The following EP400 variants were observed in gnomAD, a reference collection of about 807,000 sequenced individuals.
EP400 encodes the protein E1A binding protein p400, also known as E1A-binding protein p400.
Under a neutral mutation model 354.1 loss-of-function variants are expected in EP400, and 105 were observed. The observed-to-expected ratio is 0.30, with a 90% confidence interval of 0.25 to 0.35. The LOEUF (loss-of-function observed/expected upper bound fraction) is 0.35. Ranked by LOEUF, EP400 falls within the 10% of genes least tolerant of loss-of-function variation. The probability of loss-of-function intolerance (pLI) is 1.00; values close to 1 mark genes in which losing one functional copy is unlikely to be tolerated. For synonymous variants in EP400, 1,646 were observed against 1,716.9 expected (o/e 0.96, Z 1.02); for missense variants, 3,280 against 4,121.0 (o/e 0.80, Z 5.59).
chr12:132,032,126 A>T lies in EP400; in HGVS notation c.5928A>T (p.Arg1976Ser). 1 of 1,613,556 alleles carries T rather than the reference A, an allele frequency of 6.2e-7. No homozygotes were observed. Among genetic ancestry groups the T allele is most frequent in the Non-Finnish European group, 8.5e-7 (1 of 1,179,768 alleles). ...AGGAGTGGTGCGATAGGATCGGGAG[A>T]TGCAAAGACATCCACATATACAGGT... is the stretch of plus-strand genomic sequence containing the variant. The part of the protein sequence containing the change: ...KAQEWCDRIG[R>S]CKDIHIYRLV... Residue 1976 changes from arginine (R) to serine (S), a missense_variant, in exon 30 of 53, where the codon AGA becomes AGT. Physicochemically the swap from Arg to Ser is moderately radical, Grantham distance 110. Transcript: ENST00000389561.
intron 39 of EP400, among the ~76,000 whole-genome samples, chr12:132,048,448 T>C (rs906558811): frequency 1.3e-5 from 2 of 152,258 alleles, no homozygotes; most frequent in Non-Finnish European, 2.9e-5. Flanking sequence ...AACAATATTG[T>C]CTTCTTTTAT....
chr12:132,069,451 CGCGGCATGGTCTCT>C (rs1565936263), intron 50 of EP400, 30 bp from the exon 51 acceptor site: 4 of 1,597,850 alleles, frequency 2.5e-6, no homozygotes, highest in Non-Finnish European at 3.4e-6. Flanking sequence ...GAGTCTTGAG[CGCGGCATGGTCTCT>C]GCGGCCCTAA....
chr12:131,989,931 A>G, intron 7 of EP400, 33 bp from the exon 8 acceptor site: 1 of 1,611,150 alleles, frequency 6.2e-7, no homozygotes, highest in Non-Finnish European at 8.5e-7. Context: ...GACATAGAGT[A>G]CAACATACAA....
At chr12:132,007,953 CTT>C (rs11304784) in intron 15 of EP400, among the ~76,000 whole-genome samples, 14 of 149,262 alleles carry the variant, frequency 9.4e-5, no homozygotes, top group Admixed American at 1.3e-4. Context: ...AGCGAGGGTT[CTT>C]TTTTTTTTTG....
intron 34 of EP400, 29 bp downstream of exon 34, chr12:132,043,757 A>G (rs764144559): frequency 1.3e-6 from 2 of 1,566,016 alleles, no homozygotes; most frequent in Admixed American, 4.0e-5. Flanking sequence ...GGTCAGTGAA[A>G]AAAATTTGCA....
At chr12:132,061,292 G>C (rs1361360922) in intron 45 of EP400, among the ~76,000 whole-genome samples, 1 of 152,186 alleles carries the variant, frequency 6.6e-6, no homozygotes, top group Non-Finnish European at 1.5e-5. Context: ...ACATTGGTGA[G>C]GAAAGAGTCA....
At chr12:131,996,308 T>C (rs1314754827) in intron 12 of EP400, among the ~76,000 whole-genome samples, 1 of 150,814 alleles carries the variant, frequency 6.6e-6, no homozygotes, top group Non-Finnish European at 1.5e-5. Context: ...TTTTTTTTTT[T>C]TTTGAGATGG....
chr12:132,059,243 C>T (rs914731510), intron 45 of EP400, among the ~76,000 whole-genome samples: 7 of 152,052 alleles, frequency 4.6e-5, no homozygotes, highest in Non-Finnish European at 1.5e-5. Flanking sequence ...TATTGATACA[C>T]CGAGGTAGGG....
At chr12:132,005,237 C>T in intron 13 of EP400, 53 bp downstream of exon 13, 2 of 1,269,070 alleles carry the variant, frequency 1.6e-6, no homozygotes, top group Middle Eastern at 2.0e-4. Flanking sequence ...AGCCGGAGTA[C>T]TTACAAAGAC....
chr12:131,989,887 TAAA>T, intron 7 of EP400, 74 bp from the exon 8 acceptor site: 5 of 1,550,166 alleles, frequency 3.2e-6, no homozygotes, highest in Non-Finnish European at 4.4e-6. Context: ...TGAGAAGATT[TAAA>T]AAAAGTTACA....
intron 45 of EP400, among the ~76,000 whole-genome samples, chr12:132,057,636 A>AAT (rs1351705118): frequency 6.6e-6 from 1 of 152,176 alleles, no homozygotes; most frequent in Non-Finnish European, 1.5e-5. Flanking sequence ...TAAGCAGTAG[A>AAT]ATATATATAC....
chr12:132,053,146 T>C lies in EP400; in HGVS notation c.7395T>C (p.Ser2465=), dbSNP rs371415349. The C allele has an allele frequency of 2.5e-6, 4 of 1,613,858 alleles. No homozygotes were observed. The African/African-American group carries it at 5.3e-5, about 22-fold the overall frequency. ...NPKHASVLAE[S]GINYDKPLPP... ...TTTAACCTTTGCGTCTGTCTTTCAG[T>C]GGAATCAACTATGACAAGCCGCTGC... is the stretch of plus-strand genomic sequence containing the variant. The change falls in exon 42 of 53, where the codon AGT becomes AGC. Residue 2465 remains serine, a splice_region_variant and synonymous_variant. Transcript: ENST00000389561.
In EP400 at chr12:132,034,316, G is replaced by A. The variant is rs540320506; in HGVS notation, c.5951+2167G>A. Among the ~76,000 whole-genome samples the A allele has an allele frequency of 2.5e-4, 38 of 152,354 alleles. 1 individual carries two copies. Among genetic ancestry groups the A allele is most frequent in the Admixed American group, 2.4e-3 (36 of 15,310 alleles). On this transcript the variant is annotated intron_variant, in intron 30 of 52. Transcript: ENST00000389561. ...AGTGAGGCATGAGGTGGCCTTGAAG[G>A]ATGCAGGATGGGCTGTGCCAAGTGT...
At chr12:131,986,044 G>A (rs1469317247) in intron 5 of EP400, among the ~76,000 whole-genome samples, 2 of 152,144 alleles carry the variant, frequency 1.3e-5, no homozygotes, top group Non-Finnish European at 2.9e-5. Context: ...GCACAAACAT[G>A]ACTCACTGCA....
chr12:131,951,460 C>T (rs1209691553), intron 1 of EP400, among the ~76,000 whole-genome samples: 3 of 152,062 alleles, frequency 2.0e-5, no homozygotes, highest in Admixed American at 6.6e-5. Flanking sequence ...GGACTGTAGG[C>T]GTGAGCTACC....
chr12:132,066,666 T>C (rs1216456689), intron 48 of EP400, 108 bp from the exon 49 acceptor site: 13 of 1,199,472 alleles, frequency 1.1e-5, no homozygotes, highest in Non-Finnish European at 9.4e-6. Context: ...TTAAACTTTG[T>C]TGATCTTTGT....
intron 15 of EP400, among the ~76,000 whole-genome samples, chr12:132,009,916 C>CCT (rs1002487467): frequency 7.1e-6 from 1 of 140,176 alleles, no homozygotes; most frequent in Non-Finnish European, 1.5e-5. Flanking sequence ...CTCAAAAGAT[C>CCT]CTCCTGCCTT....
Position 132,062,523 on chromosome 12 carries a change from GGCA to G in EP400, c.8175_8177del (p.Gln2748del), listed in dbSNP as rs68030464. On this transcript the variant is annotated inframe_deletion, in exon 47 of 53. Transcript: ENST00000389561. ...ACACCTGCACATTTCCAGCTTCTCAGGCAGCAGCAGCAGCAGCAGCAACAACAG... is the reference window on the plus strand; with the variant it reads ...ACACCTGCACATTTCCAGCTTCTCAGGCAGCAGCAGCAGCAGCAACAACAG... The G allele has an allele frequency of 9.8e-5, 154 of 1,574,014 alleles. 1 individual carries two copies. The highest frequency in any genetic ancestry group is 3.9e-4 in the African/African-American group (27 of 69,832).
chr12:132,050,273 G>T lies in EP400; in HGVS notation c.7201-50G>T. ...AGTGAGCCCTGTGTCCCACGCAGCC[G>T]TCTGTCCATGCTGCCTAATTCAGAT... On this transcript the variant is annotated intron_variant, in intron 39 of 52. Transcript: ENST00000389561. This position sits in a 1 kb window ranked among gnomAD's most constrained non-coding sequence, Gnocchi z 4.8. The T allele has an allele frequency of 6.2e-7, 1 of 1,603,490 alleles. No individual in the cohort carries two copies. Among genetic ancestry groups the T allele is most frequent in the Non-Finnish European group, 8.5e-7 (1 of 1,172,780 alleles).
Sources: gnomAD v4.1 joint callset for allele counts (sites outside exome capture counted in the v4.1 genomes callset) on GRCh38, gnomAD v4.1.1 for gene constraint, Gnocchi (gnomAD v3.1) non-coding constraint, MANE v1.5 for transcripts, NCBI Gene and HGNC (gene_info 2026-07-23, HGNC 2026-07-21) for gene names.